MELK: variants seen among roughly 807,000 people sequenced by gnomAD.
The protein encoded by MELK is pEg3 kinase.
Under a neutral mutation model 85.0 loss-of-function variants are expected in MELK, and 81 were observed. The observed-to-expected ratio is 0.95, with a 90% confidence interval of 0.80 to 1.15. The LOEUF (loss-of-function observed/expected upper bound fraction) is 1.15, where lower values mean the gene tolerates loss of function less well. MELK is among the 50% of genes most tolerant of loss of function. The pLI is 0.00. For synonymous variants in MELK, 252 were observed against 265.0 expected, an observed-to-expected ratio of 0.95 and a Z score of 0.48; for missense variants, 754 against 777.5, an observed-to-expected ratio of 0.97 and a Z score of 0.36.
chr9:36,626,984 AAAG>A (rs1445293094), intron 8 of MELK, among the ~76,000 whole-genome samples: 1 of 151,032 alleles, frequency 6.6e-6, no homozygotes, highest in African/African-American at 2.4e-5. Flanking sequence ...AAAAAAAAGA[AAAG>A]AAGTAGCAGC....
chr9:36,627,778 C>T (rs554597644), intron 8 of MELK, among the ~76,000 whole-genome samples: 5 of 152,054 alleles, frequency 3.3e-5, no homozygotes, highest in Admixed American at 1.3e-4. Flanking sequence ...CCGCCCATCT[C>T]AGCCTCCCAA....
At chr9:36,588,616 T>C (rs1823201588) in intron 3 of MELK, among the ~76,000 whole-genome samples, 1 of 152,046 alleles carries the variant, frequency 6.6e-6, no homozygotes, top group Non-Finnish European at 1.5e-5. Flanking sequence ...CAACCTCAGG[T>C]AGTCCGCCCA....
Position 36,657,334 on chromosome 9 carries a change from A to G in MELK, c.1147A>G (p.Thr383Ala), listed in dbSNP as rs964712181. ...TGATTGGTGTGAAGATGATTTATCAACAGGTGCTGCTACTCCCCGAACATC... is the reference window on the plus strand; with the variant it reads ...TGATTGGTGTGAAGATGATTTATCAGCAGGTGCTGCTACTCCCCGAACATC... Reference protein sequence around the residue: ...DYDWCEDDLSTGAATPRTSQF... With the variant: ...DYDWCEDDLSAGAATPRTSQF... Residue 383 changes from threonine (T) to alanine (A), a missense_variant, in exon 13 of 18, where the codon ACA becomes GCA. By Grantham distance (58) the Thr-to-Ala change is moderately conservative. Transcript: ENST00000298048. 13 of 1,612,918 alleles carry G rather than the reference A, an allele frequency of 8.1e-6. No individual in the cohort carries two copies. Among genetic ancestry groups the G allele is most frequent in the Non-Finnish European group, 1.0e-5 (12 of 1,179,762 alleles).
chr9:36,616,022 G>A (rs1463682007), intron 8 of MELK, among the ~76,000 whole-genome samples: 1 of 152,120 alleles, frequency 6.6e-6, no homozygotes, highest in Non-Finnish European at 1.5e-5. Flanking sequence ...CTTGCCCTCG[G>A]GCCCCGCGGG....
Position 36,657,268 on chromosome 9 carries a change from A to T in MELK, c.1081A>T (p.Thr361Ser). ...AAATAATTGGAGTCTGGAAGATGTG[A>T]CCGCAAGTGATAAAAATTATGTGGC... The part of the protein sequence containing the change: ...KSNNWSLEDV[T>S]ASDKNYVAGL... Residue 361 changes from threonine (T) to serine (S), a missense_variant, in exon 13 of 18, where the codon ACC (threonine) becomes TCC (serine). Transcript: ENST00000298048. 1 of 1,613,298 alleles carries T rather than the reference A, an allele frequency of 6.2e-7. No homozygotes were observed. Among genetic ancestry groups the T allele is most frequent in the Non-Finnish European group, 8.5e-7 (1 of 1,179,816 alleles).
Position 36,574,430 on chromosome 9 carries a change from CAAAAAAA to C in MELK, c.-39+1440_-39+1446del, listed in dbSNP as rs78915626. Among the ~76,000 whole-genome samples the C allele has an allele frequency of 1.7e-3, 134 of 79,920 alleles. 2 individuals are homozygous for C. Among genetic ancestry groups the C allele is most frequent in the Admixed American group, 4.1e-3 (29 of 7,040 alleles). The allele number at this position is 79,920 out of a possible 152,430, so 52.4% of individuals were successfully genotyped here. On this transcript the variant is annotated intron_variant, in intron 1 of 17. Coordinates refer to ENST00000298048, the MANE Select transcript of MELK (RefSeq NM_014791.4). ...CGAAACCCCGTCTCTACTAAAAATA[CAAAAAAA>C]AAAAAAAAAAAAAAAATTAACCGGG... is the stretch of plus-strand genomic sequence containing the variant.
intron 1 of MELK, among the ~76,000 whole-genome samples, chr9:36,580,978 T>C (rs1006134578): frequency 3.3e-5 from 5 of 152,112 alleles, no homozygotes; most frequent in African/African-American, 9.7e-5. Context: ...TCTGCCTGCC[T>C]TGGCCTCCCA....
rs1042250352 is a variant in MELK, at chr9:36,607,498, G to C, written c.568-77G>C. ...TTAGCTTTGCGACAATTCTGTGATTGGATCAAGAGTCCTACCATTCTGAAA... is the reference window on the plus strand; with the variant it reads ...TTAGCTTTGCGACAATTCTGTGATTCGATCAAGAGTCCTACCATTCTGAAA... On this transcript the variant is annotated intron_variant, in intron 7 of 17. Transcript: ENST00000298048. 27 of 1,029,800 alleles carry C rather than the reference G, an allele frequency of 2.6e-5. No individual in the cohort carries two copies. In the African/African-American group the frequency reaches 4.2e-4, roughly 16 times the overall value. 63.8% of individuals were successfully genotyped at this position (1,029,800 alleles called of 1,614,324 possible). A position where few individuals can be genotyped will look rare whatever the true frequency, so the allele number is the denominator to read the frequency against.
chr9:36,605,488 A>G (rs1825390388), intron 7 of MELK, among the ~76,000 whole-genome samples: 1 of 151,722 alleles, frequency 6.6e-6, no homozygotes, highest in Non-Finnish European at 1.5e-5. Flanking sequence ...CTGGGATTAT[A>G]GGTGTGAGCC....
At position 36,615,501 on chromosome 9, in the gene MELK, C is replaced by A. The variant is rs534763981; in HGVS notation, c.666+7828C>A. On this transcript the variant is annotated intron_variant, in intron 8 of 17. Transcript: ENST00000298048. The stretch of plus-strand genomic sequence containing the variant: ...CTGGCCTGGCGGGGGCTGACCCCCC[C>A]CCACCTCCCTCCCGGACGGGGTGGC... 1.6e-4 allele frequency among the ~76,000 whole-genome samples: 23 copies of A among 139,484 alleles called. 1 individual carries two copies. The highest frequency in any genetic ancestry group is 8.9e-4 in the South Asian group (4 of 4,480). 91.5% of individuals were successfully genotyped at this position (139,484 alleles called of 152,430 possible).
Position 36,605,369 on chromosome 9 carries a change from C to T in MELK, c.568-2206C>T, listed in dbSNP as rs554652284. Among the ~76,000 whole-genome samples the T allele has an allele frequency of 5.3e-5, 8 of 152,048 alleles. 1 individual carries two copies. Among genetic ancestry groups the T allele is most frequent in the South Asian group, 4.2e-4 (2 of 4,812 alleles). ...TATCACAGGTGTCCACTACCACACC[C>T]GGCCAAATTTTGTATTTTTAGTAGA... On this transcript the variant is annotated intron_variant, in intron 7 of 17. Coordinates refer to ENST00000298048, the MANE Select transcript of MELK (RefSeq NM_014791.4).
intron 13 of MELK, among the ~76,000 whole-genome samples, chr9:36,658,569 T>C (rs185019610): frequency 6.6e-6 from 1 of 152,370 alleles, no homozygotes; most frequent in Admixed American, 6.5e-5. Flanking sequence ...ATGTTTCCTT[T>C]TGTTCTTTGA....
At chr9:36,659,902 C>T (rs1476571613) in intron 13 of MELK, among the ~76,000 whole-genome samples, 1 of 152,180 alleles carries the variant, frequency 6.6e-6, no homozygotes, top group Non-Finnish European at 1.5e-5. Flanking sequence ...TGGGTTCAAG[C>T]AATTCTCCTG....
At chr9:36,646,029 T>G (rs765191470) in intron 11 of MELK, among the ~76,000 whole-genome samples, 4 of 152,134 alleles carry the variant, frequency 2.6e-5, no homozygotes, top group African/African-American at 4.8e-5. Flanking sequence ...TAGAGACATT[T>G]TTGGTTGTCG....
intron 2 of MELK, 107 bp from the exon 3 acceptor site, chr9:36,583,520 C>A: frequency 5.4e-6 from 3 of 557,960 alleles, no homozygotes; most frequent in South Asian, 4.9e-5. Context: ...AAGCCACAAA[C>A]TTCTAGGAAA....
chr9:36,580,187 C>A (rs1409764479), intron 1 of MELK, among the ~76,000 whole-genome samples: 1 of 151,714 alleles, frequency 6.6e-6, no homozygotes, highest in African/African-American at 2.4e-5. Context: ...TGCCACCACC[C>A]CTGGCTAATT....
At chr9:36,590,089 T>C (rs1303538864) in intron 4 of MELK, among the ~76,000 whole-genome samples, 3 of 151,924 alleles carry the variant, frequency 2.0e-5, no homozygotes, top group Non-Finnish European at 4.4e-5. Context: ...GCCCGGCTAA[T>C]TTTTTATATT....
At chr9:36,623,232 C>A (rs1430466804) in intron 8 of MELK, among the ~76,000 whole-genome samples, 1 of 152,178 alleles carries the variant, frequency 6.6e-6, no homozygotes, top group East Asian at 1.9e-4. Context: ...CAGTTGAGCA[C>A]CAGTGCCCTA....
intron 3 of MELK, among the ~76,000 whole-genome samples, chr9:36,585,947 T>C (rs1211735181): frequency 6.6e-6 from 1 of 152,086 alleles, no homozygotes; most frequent in Non-Finnish European, 1.5e-5. Context: ...AAAAAAAGTT[T>C]TTTTTTGATG....
Sources: allele counts gnomAD v4.1 joint callset (sites outside exome capture counted in the v4.1 genomes callset), GRCh38; gene constraint gnomAD v4.1.1; transcripts MANE v1.5; gene names NCBI Gene and HGNC (gene_info 2026-07-23, HGNC 2026-07-21).